DPP10: variants seen among roughly 807,000 people sequenced by gnomAD.
DPP10 encodes inactive dipeptidyl peptidase 10.
DPP10 carries 33 observed loss-of-function variants against 120.9 expected under a neutral mutation model. The ratio of observed to expected loss-of-function variants is 0.27; its 90% confidence interval spans 0.21 to 0.37. The LOEUF (loss-of-function observed/expected upper bound fraction) is 0.37. DPP10 is among the 10% of genes least tolerant of loss of function. The pLI, the probability that DPP10 is intolerant of heterozygous loss-of-function variation, is 1.00. For synonymous variants in DPP10, 337 were observed against 326.1 expected, an observed-to-expected ratio of 1.03 and a Z score of -0.36; for missense variants, 816 against 942.8, an observed-to-expected ratio of 0.87 and a Z score of 1.76.
At chr2:115,504,537 C>T (rs2076848165) in intron 4 of DPP10, among the ~76,000 whole-genome samples, 1 of 151,792 alleles carries the variant, frequency 6.6e-6, no homozygotes, top group South Asian at 2.1e-4. Context: ...ATTATATCCA[C>T]AATATTTATT....
chr2:114,964,850 C>T (rs4849365), intron 1 of DPP10, among the ~76,000 whole-genome samples: 29,126 of 152,146 alleles, frequency 0.19, 2,898 homozygotes, highest in East Asian at 0.25. Context: ...ATGGTTAAAA[C>T]TGGGCTCCTG....
chr2:115,595,449 C>T (rs913659228), intron 5 of DPP10, among the ~76,000 whole-genome samples: 1 of 152,008 alleles, frequency 6.6e-6, no homozygotes, highest in Non-Finnish European at 1.5e-5. Flanking sequence ...TTTTATAGAC[C>T]CTTTTATAAA....
At chr2:115,155,468 A>G (rs1449524842) in intron 1 of DPP10, among the ~76,000 whole-genome samples, 3 of 152,206 alleles carry the variant, frequency 2.0e-5, no homozygotes, top group African/African-American at 7.2e-5. Flanking sequence ...CTATTAACTA[A>G]GATTAAACAC....
At chr2:115,350,863 T>C (rs2063982007) in intron 3 of DPP10, among the ~76,000 whole-genome samples, 1 of 151,970 alleles carries the variant, frequency 6.6e-6, no homozygotes, top group Non-Finnish European at 1.5e-5. Context: ...TTTTAAAAAG[T>C]CAAAAATAAC....
chr2:114,531,101 C>A (rs977113991), intron 1 of DPP10, among the ~76,000 whole-genome samples: 9 of 152,072 alleles, frequency 5.9e-5, no homozygotes, highest in Non-Finnish European at 1.2e-4. Context: ...TGTGTTTGCA[C>A]CCTAGACTGG....
At chr2:115,427,454 A>G (rs1435308917) in intron 3 of DPP10, among the ~76,000 whole-genome samples, 1 of 152,190 alleles carries the variant, frequency 6.6e-6, no homozygotes, top group African/African-American at 2.4e-5. Context: ...TACAGGCTTA[A>G]CACTACGTGG....
chr2:115,088,425 A>G (rs1708909730), intron 1 of DPP10, among the ~76,000 whole-genome samples: 1 of 152,058 alleles, frequency 6.6e-6, no homozygotes, highest in Non-Finnish European at 1.5e-5. Context: ...AAAATCAAAA[A>G]CAACTTTTCT....
At chr2:115,453,213 C>G (rs2073255557) in intron 3 of DPP10, among the ~76,000 whole-genome samples, 1 of 151,470 alleles carries the variant, frequency 6.6e-6, no homozygotes, top group Non-Finnish European at 1.5e-5. Flanking sequence ...TCATGGACTA[C>G]TTACATTTTA....
At chr2:114,636,998 A>G (rs868811421) in intron 1 of DPP10, among the ~76,000 whole-genome samples, 17 of 152,048 alleles carry the variant, frequency 1.1e-4, no homozygotes, top group Middle Eastern at 3.4e-3. Flanking sequence ...AGAAGGAACC[A>G]TTTGCAAACT....
At chr2:114,970,330 G>A (rs1361839542) in intron 1 of DPP10, among the ~76,000 whole-genome samples, 1 of 152,148 alleles carries the variant, frequency 6.6e-6, no homozygotes, top group African/African-American at 2.4e-5. Context: ...AGGTTTACTG[G>A]TCAAAGCGAT....
chr2:115,737,505 CTA>C (rs1676701407), intron 8 of DPP10, among the ~76,000 whole-genome samples: 2 of 152,072 alleles, frequency 1.3e-5, no homozygotes, highest in Non-Finnish European at 2.9e-5. Context: ...AATGCCTGTC[CTA>C]TGATTGTCAT....
chr2:114,642,105 A>G (rs1291291083), intron 1 of DPP10, among the ~76,000 whole-genome samples: 3 of 151,986 alleles, frequency 2.0e-5, no homozygotes, highest in Non-Finnish European at 2.9e-5. Flanking sequence ...GAGTTCTGCT[A>G]TCTTCTCCAA....
At chr2:115,569,238 A>G (rs1037427772) in intron 5 of DPP10, among the ~76,000 whole-genome samples, 4 of 152,198 alleles carry the variant, frequency 2.6e-5, no homozygotes, top group African/African-American at 9.6e-5. Flanking sequence ...AAAACCAGCA[A>G]TATATATGCT....
At chr2:115,288,573 T>A (rs1024009395) in intron 1 of DPP10, among the ~76,000 whole-genome samples, 3 of 151,432 alleles carry the variant, frequency 2.0e-5, no homozygotes, top group African/African-American at 7.3e-5. Context: ...ATATAAAAAT[T>A]AGCCAGGCCT....
chr2:114,854,053 T>C (rs1689179772), intron 1 of DPP10, among the ~76,000 whole-genome samples: 1 of 152,192 alleles, frequency 6.6e-6, no homozygotes, highest in African/African-American at 2.4e-5. Context: ...AACTATCAAG[T>C]TTTGGGATAA....
chr2:115,573,523 C>T (rs1482565188), intron 5 of DPP10, among the ~76,000 whole-genome samples: 1 of 151,078 alleles, frequency 6.6e-6, no homozygotes, highest in African/African-American at 2.4e-5. Context: ...ACCTCGTGAT[C>T]CGCCCACCTC....
intron 21 of DPP10, 36 bp from the exon 22 acceptor site, chr2:115,836,121 T>TAG (rs780958724): frequency 1.8e-4 from 19 of 104,412 alleles, no homozygotes; most frequent in South Asian, 3.5e-4. Context: ...GTGTGTGAGA[T>TAG]ATATATATAT....
intron 1 of DPP10, among the ~76,000 whole-genome samples, chr2:114,581,017 A>C (rs868392687): frequency 6.6e-6 from 1 of 151,944 alleles, no homozygotes; most frequent in Non-Finnish European, 1.5e-5. Context: ...TTAATGGAGA[A>C]ATTTTGTGCT....
chr2:115,485,581 TAAGTCTTA>T (rs1303149042), intron 3 of DPP10, among the ~76,000 whole-genome samples: 6 of 137,380 alleles, frequency 4.4e-5, no homozygotes. Flanking sequence ...TCTATTTAAT[TAAGTCTTA>T]CTTTATGGTT....
Sources: allele counts gnomAD v4.1 joint callset (sites outside exome capture counted in the v4.1 genomes callset), GRCh38; gene constraint gnomAD v4.1.1; transcripts MANE v1.5; gene names NCBI Gene and HGNC (gene_info 2026-07-23, HGNC 2026-07-21).